The following NOP9 variants were observed in gnomAD, a reference collection of about 807,000 sequenced individuals.
NOP9 encodes the protein NOP9 nucleolar protein, also known as nucleolar protein 9.
A neutral mutation model predicts 63.0 loss-of-function variants in NOP9; 50 were observed. The observed-to-expected ratio is 0.79, with a 90% CI of 0.63 to 1.00. The LOEUF (loss-of-function observed/expected upper bound fraction) is 1.00, where lower values mean the gene tolerates loss of function less well. Among genes scored for constraint, NOP9 ranks in the 50% least tolerant of loss-of-function variants. NOP9 has a pLI of 0.00. For synonymous variants in NOP9, 343 were observed against 332.8 expected, an observed-to-expected ratio of 1.03 and a Z score of -0.33; for missense variants, 758 against 803.0, an observed-to-expected ratio of 0.94 and a Z score of 0.68.
intron 2 of NOP9, among the ~76,000 whole-genome samples, chr14:24,301,275 A>G (rs1470059542): frequency 6.6e-6 from 1 of 152,150 alleles, no homozygotes; most frequent in Admixed American, 6.5e-5. Context: ...TGAGACCACT[A>G]ACTTGATTTC....
chr14:24,294,589 A>AAACAAC, the NOP9 span: 19,061 of 150,346 alleles, frequency 0.13, 1,527 homozygotes, highest in East Asian at 0.43. Flanking sequence ...TTCCACCTCA[A>AAACAAC]AACAACAACA....
At position 24,307,681 on chromosome 14, in the gene NOP9, GA is replaced by G. The variant is rs1345013984; in HGVS notation, c.*2587del. The G allele has an allele frequency of 6.4e-6, 8 of 1,255,292 alleles. No homozygotes were observed. The African/African-American group carries it at 1.2e-4, about 19-fold the overall frequency. The allele number at this position is 1,255,292 out of a possible 1,614,324, so 77.8% of individuals were successfully genotyped here. On this transcript the variant is annotated 3_prime_UTR_variant, in exon 10 of 10. Coordinates refer to ENST00000267425, the MANE Select transcript of NOP9 (RefSeq NM_174913.3). ...GTGCAGGTGGGGGCGGGTGGCTCAG[GA>G]GCTTGACAAGCCCACTGTGGAGTGG...
In NOP9 at chr14:24,302,021, C is replaced by T. The variant is rs1349642974; in HGVS notation, c.865C>T (p.His289Tyr). ...TCTTCAAGTGGCTTTACAGGTTTTA[C>T]ACCGCAAACTTCCCCAGTTTTGCGC... ...FCLQVALQVLHRKLPQFCAHL... is the reference protein window; with the variant it reads ...FCLQVALQVLYRKLPQFCAHL... Residue 289 changes from histidine to tyrosine, a missense_variant, in exon 4 of 10, where the codon CAC becomes TAC. Coordinates refer to ENST00000267425, the MANE Select transcript of NOP9 (RefSeq NM_174913.3). 1.2e-6 allele frequency: 2 copies of T among 1,614,092 alleles called. No homozygotes were observed. The highest frequency in any genetic ancestry group is 1.7e-5 in the Admixed American group (1 of 60,024).
At position 24,303,842 on chromosome 14, in the gene NOP9, G is replaced by C. The variant is rs951482358; in HGVS notation, c.1395G>C (p.Val465=). The C allele has an allele frequency of 3.1e-6, 5 of 1,614,000 alleles. No individual in the cohort carries two copies. Among genetic ancestry groups the C allele is most frequent in the Non-Finnish European group, 4.2e-6 (5 of 1,179,974 alleles). The change falls in exon 7 of 10, where the codon GTG becomes GTC. Residue 465 remains valine, a synonymous_variant. Transcript: ENST00000267425. ...YYGLTEEEGA[V]PAEHQVAMAA... is the part of the protein sequence containing the mutation. Reference sequence around the variant, plus strand: ...GACTGACGGAGGAGGAGGGGGCAGTGCCTGCAGAGCACCAGGTGAGGTAGG... The same window carrying C: ...GACTGACGGAGGAGGAGGGGGCAGTCCCTGCAGAGCACCAGGTGAGGTAGG...
chr14:24,296,346 T>C (rs897243173), upstream of NOP9, among the ~76,000 whole-genome samples: 1 of 152,042 alleles, frequency 6.6e-6, no homozygotes. Context: ...CAGACTCACC[T>C]GGATGGAACT....
the NOP9 span, chr14:24,290,916 C>T: frequency 6.2e-7 from 1 of 1,613,924 alleles, no homozygotes. Context: ...GGAAGGAGGG[C>T]AGGTAGGAGG....
Position 24,305,935 on chromosome 14 carries a change from T to C in NOP9, c.*840T>C, listed in dbSNP as rs367882793. Reference sequence around the variant, plus strand: ...GTAGGGGATGGGGCAGTATGACATGTTGATTTCTGACCTGAGTACTTTCTT... The same window carrying C: ...GTAGGGGATGGGGCAGTATGACATGCTGATTTCTGACCTGAGTACTTTCTT... On this transcript the variant is annotated 3_prime_UTR_variant, in exon 10 of 10. Transcript: ENST00000267425. The C allele has an allele frequency of 9.9e-5, 159 of 1,610,668 alleles. No individual in the cohort carries two copies. The highest frequency in any genetic ancestry group is 1.3e-4 in the Non-Finnish European group (158 of 1,177,978).
chr14:24,300,894 G>A (rs1300774149), intron 2 of NOP9, 37 bp downstream of exon 2: 2 of 1,511,964 alleles, frequency 1.3e-6, no homozygotes, highest in Middle Eastern at 1.8e-4. Context: ...CTAGGGGGAA[G>A]AAGAATTTAG....
chr14:24,274,361 G>C, the NOP9 span, among the ~76,000 whole-genome samples: 9 of 152,292 alleles, frequency 5.9e-5, no homozygotes, highest in Admixed American at 3.9e-4. Context: ...AGAAGGCAGG[G>C]CTTGAGTTTT....
At chr14:24,303,365 G>A in intron 6 of NOP9, 151 bp downstream of exon 6, 1 of 928,360 alleles carries the variant, frequency 1.1e-6, no homozygotes, top group South Asian at 1.6e-5. Context: ...GCCTATAGGT[G>A]CCCGCCACCA....
chr14:24,302,002 A>G lies in NOP9; in HGVS notation c.846A>G (p.Gln282=), dbSNP rs2041386304. The G allele has an allele frequency of 6.2e-7, 1 of 1,613,900 alleles. No individual in the cohort carries two copies. Among genetic ancestry groups the G allele is most frequent in the African/African-American group, 1.3e-5 (1 of 74,880 alleles). ...ATAAGATCTCCAGCTTCTGTCTTCAAGTGGCTTTACAGGTTTTACACCGCA... is the reference window on the plus strand; with the variant it reads ...ATAAGATCTCCAGCTTCTGTCTTCAGGTGGCTTTACAGGTTTTACACCGCA... ...ITDKISSFCL[Q]VALQVLHRKL... The change falls in exon 4 of 10, where the codon CAA becomes CAG. Residue 282 remains glutamine (Q), a synonymous_variant. Coordinates refer to ENST00000267425, the MANE Select transcript of NOP9 (RefSeq NM_174913.3).
the NOP9 span, among the ~76,000 whole-genome samples, chr14:24,281,857 C>A: frequency 3.4e-3 from 499 of 145,916 alleles, 3 homozygotes; most frequent in African/African-American, 0.012. Context: ...AAAGCTTTCA[C>A]CATTCTGCCC....
Position 24,307,822 on chromosome 14 carries a change from G to A in NOP9, c.*2727G>A. On this transcript the variant is annotated 3_prime_UTR_variant, in exon 10 of 10. Transcript: ENST00000267425. The stretch of plus-strand genomic sequence containing the variant: ...GAGCGGAGGGTTAGCAGTCACCTGA[G>A]TAAGTCACTGGGGTTCAGAGCTGAG... The A allele has an allele frequency of 6.3e-7, 1 of 1,595,260 alleles. No homozygotes were observed. The highest frequency in any genetic ancestry group is 8.5e-7 in the Non-Finnish European group (1 of 1,170,524).
the NOP9 span, among the ~76,000 whole-genome samples, chr14:24,278,428 G>C: frequency 6.6e-6 from 1 of 152,210 alleles, no homozygotes; most frequent in Non-Finnish European, 1.5e-5. Context: ...CCTAGTGATG[G>C]CACTTTTTCA....
chr14:24,303,451 A>G (rs1250461746), intron 6 of NOP9, among the ~76,000 whole-genome samples: 1 of 151,090 alleles, frequency 6.6e-6, no homozygotes, highest in African/African-American at 2.4e-5. Flanking sequence ...CAGTGGCGCA[A>G]TCTCAGCTCA....
chr14:24,297,697 C>T (rs2041276662), upstream of NOP9, among the ~76,000 whole-genome samples: 1 of 152,194 alleles, frequency 6.6e-6, no homozygotes, highest in Admixed American at 6.5e-5. Context: ...TTCCAAGACC[C>T]ACTCTTTCCT....
chr14:24,307,497 G>A lies in NOP9; in HGVS notation c.*2402G>A, dbSNP rs1209709404. The A allele has an allele frequency of 6.2e-7, 1 of 1,613,700 alleles. No homozygotes were observed. Among genetic ancestry groups the A allele is most frequent in the African/African-American group, 1.3e-5 (1 of 74,890 alleles). ...TCCAGACCCTCCGTCCAAACTCCGA[G>A]CTTATATTAGATACTGACCTGGTAG... On this transcript the variant is annotated 3_prime_UTR_variant, in exon 10 of 10. Transcript: ENST00000267425.
At chr14:24,291,923 T>G in the NOP9 span, 1 of 603,506 alleles carries the variant, frequency 1.7e-6, no homozygotes, top group Non-Finnish European at 2.9e-6. Context: ...AAGTGCATGG[T>G]CTTTGGAGCT....
chr14:24,300,704 C>T lies in NOP9; in HGVS notation c.544C>T (p.Leu182=), dbSNP rs767031076. 27 of 1,613,886 alleles carry T rather than the reference C, an allele frequency of 1.7e-5. No homozygotes were observed. The highest frequency in any genetic ancestry group is 2.2e-5 in the Non-Finnish European group (26 of 1,180,004). ...KDGPTETLEE[L]VLGLAAEVCD... is the part of the protein sequence containing the mutation. ...TGGTCCCACGGAGACCCTGGAGGAG[C>T]TGGTCCTGGGACTAGCCGCTGAGGT... Residue 182 remains leucine (L), a synonymous_variant, in exon 2 of 10, where the codon CTG becomes TTG. Coordinates refer to ENST00000267425, the MANE Select transcript of NOP9 (RefSeq NM_174913.3).
Sources: gnomAD v4.1 joint callset for allele counts (sites outside exome capture counted in the v4.1 genomes callset) on GRCh38, gnomAD v4.1.1 for gene constraint, MANE v1.5 for transcripts, NCBI Gene and HGNC (gene_info 2026-07-23, HGNC 2026-07-21) for gene names.